NFIB: variants seen among roughly 807,000 people sequenced by gnomAD.
The protein encoded by NFIB is nuclear factor I B.
In NFIB, 11 loss-of-function variants were observed where a neutral mutation model predicts 61.5. The ratio of observed to expected loss-of-function variants is 0.18; its 90% confidence interval spans 0.11 to 0.30. NFIB has a LOEUF of 0.30. Among genes scored for constraint, NFIB ranks in the 10% least tolerant of loss-of-function variants. The pLI, the probability that NFIB is intolerant of heterozygous loss-of-function variation, is 1.00. For missense variants in NFIB, 471 were observed against 608.9 expected, an observed-to-expected ratio of 0.77 and a Z score of 2.38; for synonymous variants, 260 against 216.5, an observed-to-expected ratio of 1.20 and a Z score of -1.76.
intron 2 of NFIB, among the ~76,000 whole-genome samples, chr9:14,209,348 T>C (rs942266618): frequency 4.6e-5 from 7 of 152,226 alleles, no homozygotes; most frequent in African/African-American, 1.7e-4. Context: ...TGACGGGCAC[T>C]GACAAAGACT....
chr9:14,177,154 A>G (rs1251218273), intron 3 of NFIB, among the ~76,000 whole-genome samples: 1 of 152,172 alleles, frequency 6.6e-6, no homozygotes. Flanking sequence ...TTTCTCATAC[A>G]TGGATCGTGC....
chr9:14,416,486 G>C, the NFIB span, among the ~76,000 whole-genome samples: 1 of 150,140 alleles, frequency 6.7e-6, no homozygotes, highest in East Asian at 1.9e-4. Flanking sequence ...TAATGTGTGT[G>C]TTTGTGTCCT....
In NFIB at chr9:14,120,754, C is replaced by T. The variant is rs754055435; in HGVS notation, c.1061-130G>A. The T allele has an allele frequency of 2.8e-5, 25 of 894,988 alleles. No individual in the cohort carries two copies. Among genetic ancestry groups the T allele is most frequent in the Non-Finnish European group, 4.1e-5 (25 of 603,098 alleles). 55.4% of individuals were successfully genotyped at this position (894,988 alleles called of 1,614,324 possible). Reference sequence around the variant, plus strand: ...TTTTTGTCCCCATGATTTAACCAAGCTCTCCTAAATCAACAGTTACTTTTT... The same window carrying T: ...TTTTTGTCCCCATGATTTAACCAAGTTCTCCTAAATCAACAGTTACTTTTT... On this transcript the variant is annotated intron_variant, in intron 7 of 10. Coordinates refer to ENST00000380953, the MANE Select transcript of NFIB (RefSeq NM_001190737.2). This position sits in a 1 kb window ranked among gnomAD's most constrained non-coding sequence, Gnocchi z 4.4.
intron 1 of NFIB, chr9:14,362,416 G>A (rs2061251775): frequency 6.6e-6 from 1 of 152,178 alleles, no homozygotes; most frequent in African/African-American, 2.4e-5. Context: ...CTTCTCCAGA[G>A]CATTTCCATC....
chr9:14,423,171 A>G, the NFIB span, among the ~76,000 whole-genome samples: 2 of 152,172 alleles, frequency 1.3e-5, no homozygotes, highest in African/African-American at 2.4e-5. Flanking sequence ...ATCATGTTTT[A>G]TTTTGAGGAA....
At chr9:14,479,309 A>G in the NFIB span, among the ~76,000 whole-genome samples, 1 of 152,186 alleles carries the variant, frequency 6.6e-6, no homozygotes, top group Non-Finnish European at 1.5e-5. Flanking sequence ...TCTTCTTTAT[A>G]TGGGAAACAC....
intron 1 of NFIB, among the ~76,000 whole-genome samples, chr9:14,331,532 C>T (rs755764793): frequency 2.0e-5 from 3 of 152,102 alleles, no homozygotes; most frequent in African/African-American, 4.8e-5. Flanking sequence ...CATTCAATAC[C>T]CTGTGGGGAT....
intron 2 of NFIB, among the ~76,000 whole-genome samples, chr9:14,297,015 C>T (rs2059484754): frequency 6.6e-6 from 1 of 152,232 alleles, no homozygotes; most frequent in Non-Finnish European, 1.5e-5. Flanking sequence ...CACGTGTGTG[C>T]ATGCGCACAC....
intron 2 of NFIB, among the ~76,000 whole-genome samples, chr9:14,200,690 T>C (rs757732696): frequency 5.9e-5 from 9 of 152,112 alleles, no homozygotes; most frequent in Non-Finnish European, 1.2e-4. Context: ...TTGATGGCTA[T>C]CTCCTTCTCT....
intron 6 of NFIB, among the ~76,000 whole-genome samples, chr9:14,132,475 C>T (rs943353319): frequency 1.3e-5 from 2 of 152,062 alleles, no homozygotes; most frequent in Non-Finnish European, 2.9e-5. Context: ...TACATATTTT[C>T]TTTATTTTTC....
At chr9:14,186,362 A>G (rs2131507724) in intron 2 of NFIB, among the ~76,000 whole-genome samples, 1 of 152,304 alleles carries the variant, frequency 6.6e-6, no homozygotes, top group South Asian at 2.1e-4. Flanking sequence ...ATTGTCAATG[A>G]AAGAATACCA....
chr9:14,363,782 A>G (rs1179281037), intron 1 of NFIB, among the ~76,000 whole-genome samples: 1 of 152,128 alleles, frequency 6.6e-6, no homozygotes, highest in Non-Finnish European at 1.5e-5. Context: ...TTATTTTACA[A>G]AAAAATGGGA....
chr9:14,101,078 T>G (rs1196087060), intron 10 of NFIB, among the ~76,000 whole-genome samples: 2 of 152,238 alleles, frequency 1.3e-5, no homozygotes, highest in Non-Finnish European at 2.9e-5. Flanking sequence ...AACTTTAAAA[T>G]GTATATTAAT....
At chr9:14,410,816 A>T in the NFIB span, among the ~76,000 whole-genome samples, 1 of 152,206 alleles carries the variant, frequency 6.6e-6, no homozygotes, top group Non-Finnish European at 1.5e-5. Flanking sequence ...AAAGACCCAG[A>T]CCACAAATGC....
At chr9:14,261,055 G>A (rs949886860) in intron 2 of NFIB, among the ~76,000 whole-genome samples, 1 of 152,204 alleles carries the variant, frequency 6.6e-6, no homozygotes, top group African/African-American at 2.4e-5. Context: ...AGTGGCTCAC[G>A]CCTATAATCC....
chr9:14,147,319 T>C (rs1563833946), intron 5 of NFIB, among the ~76,000 whole-genome samples: 1 of 152,120 alleles, frequency 6.6e-6, no homozygotes, highest in Non-Finnish European at 1.5e-5. Context: ...CCTTAACTTA[T>C]CTAAACTCAG....
intron 2 of NFIB, among the ~76,000 whole-genome samples, chr9:14,280,422 T>C (rs7856646): frequency 0.074 from 11,223 of 152,230 alleles, 1,175 homozygotes; most frequent in African/African-American, 0.23. Flanking sequence ...TTTACTTAAA[T>C]GTTGCCTTAC....
At chr9:14,527,970 C>CAT in the NFIB span, among the ~76,000 whole-genome samples, 1 of 152,036 alleles carries the variant, frequency 6.6e-6, no homozygotes, top group Non-Finnish European at 1.5e-5. Context: ...ATATATTTAG[C>CAT]ATATTTATCA....
At chr9:14,231,741 G>C (rs986539160) in intron 2 of NFIB, among the ~76,000 whole-genome samples, 3 of 152,108 alleles carry the variant, frequency 2.0e-5, no homozygotes, top group African/African-American at 7.2e-5. Context: ...CACGTGAATG[G>C]CTCCTACAAG....
Sources: allele counts gnomAD v4.1 joint callset (sites outside exome capture counted in the v4.1 genomes callset), GRCh38; gene constraint gnomAD v4.1.1; non-coding constraint Gnocchi (gnomAD v3.1); transcripts MANE v1.5; gene names NCBI Gene and HGNC (gene_info 2026-07-23, HGNC 2026-07-21).